The following NCAPD3 variants were observed in gnomAD, a reference collection of about 807,000 sequenced individuals.
NCAPD3 encodes the protein condensin-2 complex subunit D3.
Under a neutral mutation model 182.9 loss-of-function variants are expected in NCAPD3, and 105 were observed. The ratio of observed to expected loss-of-function variants is 0.57; its 90% CI spans 0.49 to 0.68. The LOEUF (loss-of-function observed/expected upper bound fraction) is 0.68, where lower values mean the gene tolerates loss of function less well. NCAPD3 is among the 30% of genes least tolerant of loss of function. The probability of loss-of-function intolerance (pLI) is 0.00; values close to 1 mark genes in which losing one functional copy is unlikely to be tolerated. For synonymous variants in NCAPD3, 815 were observed against 679.9 expected, an observed-to-expected ratio of 1.20 and a Z score of -3.09; for missense variants, 1,944 against 1,837.0, an observed-to-expected ratio of 1.06 and a Z score of -1.07.
At chr11:134,220,524 T>C (rs761332185) in intron 2 of NCAPD3, 48 bp downstream of exon 2, 1 of 1,556,956 alleles carries the variant, frequency 6.4e-7, no homozygotes, top group South Asian at 1.1e-5. Flanking sequence ...GACTTTCATC[T>C]TCTACTTCTA....
Position 134,204,723 on chromosome 11 carries a change from T to C in NCAPD3, c.1089+176A>G, listed in dbSNP as rs1345975877. ...AACAAAGTTTTTTTGTTTTTTTGTT[T>C]TTTATAGAACACTTTTGTCTAGGGG... On this transcript the variant is annotated intron_variant, in intron 9 of 34. Coordinates refer to ENST00000534548, the MANE Select transcript of NCAPD3 (RefSeq NM_015261.3). This position sits in a 1 kb window ranked among gnomAD's most constrained non-coding sequence, Gnocchi z 4.3. 6.6e-6 allele frequency among the ~76,000 whole-genome samples: 1 copy of C among 152,166 alleles called. No individual in the cohort carries two copies. The highest frequency in any genetic ancestry group is 1.9e-4 in the East Asian group (1 of 5,188).
intron 16 of NCAPD3, among the ~76,000 whole-genome samples, chr11:134,192,027 T>A (rs1944534135): frequency 6.6e-6 from 1 of 152,168 alleles, no homozygotes; most frequent in African/African-American, 2.4e-5. Flanking sequence ...ATGTTTGGAT[T>A]TTAGATTTTT....
At position 134,178,697 on chromosome 11, in the gene NCAPD3, G is replaced by T. The variant is rs34739733; in HGVS notation, c.2719C>A (p.Pro907Thr). Residue 907 changes from proline (P) to threonine (T), a missense_variant, in exon 22 of 35, where the codon CCC becomes ACC. Transcript: ENST00000534548. ...ATGACAGAACCTCTGACCTGGGGGG[G>T]TGGCTGAGACGCTGGGGCCTCACTG... The part of the protein sequence containing the change: ...GSSEAPASQP[P>T]PQVRGSVMPS... 7.7e-4 allele frequency: 1,239 copies of T among 1,601,614 alleles called. 7 individuals are homozygous for T. In the African/African-American group the frequency reaches 0.015, roughly 19 times the overall value.
At chr11:134,186,194 T>G (rs1322485360) in intron 16 of NCAPD3, 1 of 152,162 alleles carries the variant, frequency 6.6e-6, no homozygotes, top group Non-Finnish European at 1.5e-5. Flanking sequence ...CTAAAGTGTT[T>G]GTGTTATATT....
At chr11:134,193,610 A>C (rs920880567) in intron 15 of NCAPD3, among the ~76,000 whole-genome samples, 2 of 152,156 alleles carry the variant, frequency 1.3e-5, no homozygotes, top group Non-Finnish European at 2.9e-5. Context: ...AAAATTAGCC[A>C]GGCATGGCAG....
rs1944227684 is a variant in NCAPD3, at chr11:134,178,756, G to A, written c.2675-15C>T. ...AGATGATGGTGCTGCAAAGAAGGGA[G>A]AGAAAGTTACCGACAGAACCTTGAA... On this transcript the variant is annotated splice_polypyrimidine_tract_variant and intron_variant, in intron 21 of 34. Coordinates refer to ENST00000534548, the MANE Select transcript of NCAPD3 (RefSeq NM_015261.3). 1 of 1,609,128 alleles carries A rather than the reference G, an allele frequency of 6.2e-7. No homozygotes were observed. The highest frequency in any genetic ancestry group is 8.5e-7 in the Non-Finnish European group (1 of 1,176,064).
In NCAPD3 at chr11:134,185,346, C is replaced by T; in HGVS notation, c.2226G>A (p.Glu742=). 1.9e-6 allele frequency: 3 copies of T among 1,604,254 alleles called. No homozygotes were observed. Among genetic ancestry groups the T allele is most frequent in the Non-Finnish European group, 2.6e-6 (3 of 1,176,394 alleles). Residue 742 remains glutamate, a synonymous_variant, in exon 17 of 35, where the codon GAG becomes GAA. Coordinates refer to ENST00000534548, the MANE Select transcript of NCAPD3 (RefSeq NM_015261.3). ...TAGAAGATACAAACCTGCTGATTTT[C>T]TCCCAAGATTGTATTATTCTGCTGT... is the stretch of plus-strand genomic sequence containing the variant. ...LDYSRIIQSW[E]KISSQQNPNS...
intron 2 of NCAPD3, among the ~76,000 whole-genome samples, chr11:134,219,772 T>C (rs1018341885): frequency 1.3e-5 from 2 of 152,180 alleles, no homozygotes; most frequent in African/African-American, 2.4e-5. Context: ...TTAATTCAAC[T>C]AGTCATTCCT....
rs759375850 is a variant in NCAPD3 at position 134,150,301 on chromosome 11, C to T, written c.*2643G>A. 1 of 152,334 alleles carries T rather than the reference C, an allele frequency of 6.6e-6. No homozygotes were observed. Among genetic ancestry groups the T allele is most frequent in the Non-Finnish European group, 1.5e-5 (1 of 68,130 alleles). 9.4% of individuals were successfully genotyped at this position (152,334 alleles called of 1,614,324 possible). A position where few individuals can be genotyped will look rare whatever the true frequency, so the allele number is the denominator to read the frequency against. On this transcript the variant is annotated 3_prime_UTR_variant, in exon 35 of 35. Transcript: ENST00000534548. Reference sequence around the variant, plus strand: ...ACCTCTCAGGTTAGCTTTGAACTGCCTCTTCCTGAGATGACTAGGACAGTC... The same window carrying T: ...ACCTCTCAGGTTAGCTTTGAACTGCTTCTTCCTGAGATGACTAGGACAGTC...
Position 134,152,765 on chromosome 11 carries a change from A to C in NCAPD3, c.*179T>G. The C allele has an allele frequency of 1.9e-6, 1 of 524,024 alleles. No homozygotes were observed. The highest frequency in any genetic ancestry group is 3.8e-5 in the South Asian group (1 of 26,246). 32.5% of individuals were successfully genotyped at this position (524,024 alleles called of 1,614,324 possible). On this transcript the variant is annotated 3_prime_UTR_variant, in exon 35 of 35. Coordinates refer to ENST00000534548, the MANE Select transcript of NCAPD3 (RefSeq NM_015261.3). ...CATCTCTATTATTTGACAGTGTTTA[A>C]CCAAATACATCATACAGAATAGAAG...
In NCAPD3 at chr11:134,184,691, A is replaced by T. The variant is rs1466539867; in HGVS notation, c.2397T>A (p.Val799=). 1 of 1,614,004 alleles carries T rather than the reference A, an allele frequency of 6.2e-7. No homozygotes were observed. The highest frequency in any genetic ancestry group is 8.5e-7 in the Non-Finnish European group (1 of 1,180,008). Residue 799 remains valine, a synonymous_variant, in exon 19 of 35, where the codon GTT becomes GTA. Coordinates refer to ENST00000534548, the MANE Select transcript of NCAPD3 (RefSeq NM_015261.3). ...CTCTACAAAGCCTCTGCAAGGCGTC[A>T]ACAGCTGAACTGATCACCTCTAGAG... ...QWSLEVISSA[V]DALQRLCRAS...
intron 16 of NCAPD3, 31 bp downstream of exon 16, chr11:134,192,652 TCTTCTA>T: frequency 6.4e-7 from 1 of 1,562,640 alleles, no homozygotes; most frequent in Non-Finnish European, 8.8e-7. Context: ...CCTACGGCCT[TCTTCTA>T]TAGGGAACAC....
chr11:134,168,451 C>G lies in NCAPD3; in HGVS notation c.3373+18G>C. On this transcript the variant is annotated intron_variant, in intron 26 of 34. Transcript: ENST00000534548. Reference sequence around the variant, plus strand: ...ATTTGCAAACACACACATTTTCTCCCACACACACTGGGCTTACCCAAAATA... The same window carrying G: ...ATTTGCAAACACACACATTTTCTCCGACACACACTGGGCTTACCCAAAATA... The G allele has an allele frequency of 6.2e-7, 1 of 1,613,752 alleles. No individual in the cohort carries two copies. Among genetic ancestry groups the G allele is most frequent in the Non-Finnish European group, 8.5e-7 (1 of 1,179,676 alleles).
chr11:134,171,923 C>T (rs924162016), intron 24 of NCAPD3, among the ~76,000 whole-genome samples: 1 of 152,196 alleles, frequency 6.6e-6, no homozygotes, highest in African/African-American at 2.4e-5. Context: ...TGCCTTCCTG[C>T]CTTCACCCAC....
intron 2 of NCAPD3, among the ~76,000 whole-genome samples, chr11:134,219,866 G>T (rs1001395798): frequency 6.6e-6 from 1 of 151,880 alleles, no homozygotes; most frequent in Non-Finnish European, 1.5e-5. Context: ...GCGTGATCTC[G>T]GCTCACTGTA....
Position 134,161,901 on chromosome 11 carries a change from CA to C in NCAPD3, c.3574-11del, listed in dbSNP as rs1565519790. ...AATTCCTCTTCTGAACCTGGTAACA[CA>C]AACAAAGACATGTTTTAGATGTATG... On this transcript the variant is annotated splice_polypyrimidine_tract_variant and intron_variant, in intron 27 of 34. Transcript: ENST00000534548. 17 of 1,386,018 alleles carry C rather than the reference CA, an allele frequency of 1.2e-5. No individual in the cohort carries two copies. Among genetic ancestry groups the C allele is most frequent in the Non-Finnish European group, 6.0e-6 (6 of 993,902 alleles). 85.9% of individuals were successfully genotyped at this position (1,386,018 alleles called of 1,614,324 possible).
At chr11:134,174,434 A>G (rs1591835532) in intron 24 of NCAPD3, among the ~76,000 whole-genome samples, 1 of 151,370 alleles carries the variant, frequency 6.6e-6, no homozygotes, top group Middle Eastern at 3.4e-3. Context: ...TATCTAACAT[A>G]GCAGATAGGC....
chr11:134,225,109 G>A (rs1176509615), upstream of NCAPD3: 3 of 1,589,458 alleles, frequency 1.9e-6, no homozygotes, highest in South Asian at 3.4e-5. Flanking sequence ...AGACCCGCCC[G>A]GCCCGGCGGT....
Position 134,210,462 on chromosome 11 carries a change from T to C in NCAPD3, c.383-8A>G, listed in dbSNP as rs200078494. ...CTTGATTGGCTACACTGCCTATTCATGAGGAATAAAGAGTAAGCAAGTTAG... is the reference window on the plus strand; with the variant it reads ...CTTGATTGGCTACACTGCCTATTCACGAGGAATAAAGAGTAAGCAAGTTAG... On this transcript the variant is annotated splice_polypyrimidine_tract_variant and splice_region_variant and intron_variant, in intron 3 of 34. Coordinates refer to ENST00000534548, the MANE Select transcript of NCAPD3 (RefSeq NM_015261.3). 1.2e-5 allele frequency: 20 copies of C among 1,611,432 alleles called. No individual in the cohort carries two copies. The highest frequency in any genetic ancestry group is 1.7e-4 in the Middle Eastern group (1 of 6,048).
Sources: allele counts gnomAD v4.1 joint callset (sites outside exome capture counted in the v4.1 genomes callset), GRCh38; gene constraint gnomAD v4.1.1; non-coding constraint Gnocchi (gnomAD v3.1); transcripts MANE v1.5; gene names NCBI Gene and HGNC (gene_info 2026-07-23, HGNC 2026-07-21).